SEZ6L: variants seen among roughly 807,000 people sequenced by gnomAD.
The protein encoded by SEZ6L is seizure 6-like protein.
SEZ6L carries 37 observed loss-of-function variants against 106.2 expected under a neutral mutation model. The observed-to-expected ratio is 0.35, with a 90% CI of 0.27 to 0.46. SEZ6L has a LOEUF of 0.46. Among genes scored for constraint, SEZ6L ranks in the 20% least tolerant of loss-of-function variants. SEZ6L has a pLI of 1.00. For missense variants in SEZ6L, 1,172 were observed against 1,332.8 expected (o/e 0.88, Z 1.88); for synonymous variants, 541 against 570.4 (o/e 0.95, Z 0.73).
chr22:26,208,850 C>CTCTGTGTGTG (rs1169195734), intron 1 of SEZ6L, among the ~76,000 whole-genome samples: 1 of 111,694 alleles, frequency 9.0e-6, no homozygotes, highest in Non-Finnish European at 1.9e-5. Context: ...GACTCTCTCT[C>CTCTGTGTGTG]TGTGTGTGTG....
chr22:26,322,559 A>T (rs560962200), intron 9 of SEZ6L, among the ~76,000 whole-genome samples: 8 of 152,238 alleles, frequency 5.3e-5, no homozygotes, highest in South Asian at 4.1e-4. Flanking sequence ...AGAAGGTGAC[A>T]TCCAGAAGGA....
intron 1 of SEZ6L, among the ~76,000 whole-genome samples, chr22:26,229,864 G>A (rs1569400842): frequency 6.6e-6 from 1 of 152,190 alleles, no homozygotes; most frequent in African/African-American, 2.4e-5. Flanking sequence ...GTTAACAAAT[G>A]CCCCCTGCTC....
intron 10 of SEZ6L, among the ~76,000 whole-genome samples, chr22:26,340,915 C>A (rs565390604): frequency 6.6e-6 from 1 of 151,594 alleles, no homozygotes; most frequent in East Asian, 1.9e-4. Flanking sequence ...ACCTATTCCA[C>A]AAGGTTGATA....
chr22:26,349,024 G>C (rs868630485), intron 11 of SEZ6L, among the ~76,000 whole-genome samples: 3 of 152,268 alleles, frequency 2.0e-5, no homozygotes, highest in Middle Eastern at 6.8e-3. Context: ...TAAGGGATTG[G>C]AATGAACATG....
At chr22:26,194,128 A>G (rs1601996813) in intron 1 of SEZ6L, among the ~76,000 whole-genome samples, 1 of 152,312 alleles carries the variant, frequency 6.6e-6, no homozygotes, top group East Asian at 1.9e-4. Flanking sequence ...AGGCATTGCA[A>G]GCTCAGGAAA....
intron 5 of SEZ6L, among the ~76,000 whole-genome samples, chr22:26,301,335 C>T (rs1203191182): frequency 2.0e-5 from 3 of 152,334 alleles, no homozygotes; most frequent in East Asian, 1.9e-4. Flanking sequence ...GGTACTCATT[C>T]GACAAACATC....
intron 1 of SEZ6L, among the ~76,000 whole-genome samples, chr22:26,184,436 T>G (rs1464960774): frequency 6.6e-6 from 1 of 152,148 alleles, no homozygotes; most frequent in East Asian, 1.9e-4. Flanking sequence ...GCTCTAGTCT[T>G]AGTATTTGTT....
intron 8 of SEZ6L, among the ~76,000 whole-genome samples, chr22:26,312,639 C>T (rs76462504): frequency 0.21 from 31,327 of 152,116 alleles, 3,582 homozygotes; most frequent in African/African-American, 0.3. Flanking sequence ...GAGACTCGCT[C>T]GGCTCACTGC....
chr22:26,189,989 C>T (rs920133904), intron 1 of SEZ6L, among the ~76,000 whole-genome samples: 4 of 151,520 alleles, frequency 2.6e-5, no homozygotes, highest in African/African-American at 4.9e-5. Context: ...CCCAGTTACT[C>T]GGGAGGCTGA....
In SEZ6L at chr22:26,380,494, G is replaced by A. The variant is rs1002741911; in HGVS notation, c.*199G>A. 21 of 452,778 alleles carry A rather than the reference G, an allele frequency of 4.6e-5. 1 individual carries two copies. Among genetic ancestry groups the A allele is most frequent in the East Asian group, 3.2e-4 (10 of 31,376 alleles). 28.0% of individuals were successfully genotyped at this position (452,778 alleles called of 1,614,324 possible). ...AAATAGGTGTGGGTTTGGATGTTTC[G>A]CGGCCTCAGCCAAATTCATGTTACA... On this transcript the variant is annotated 3_prime_UTR_variant, in exon 17 of 17. Coordinates refer to ENST00000248933, the MANE Select transcript of SEZ6L (RefSeq NM_021115.5).
intron 10 of SEZ6L, among the ~76,000 whole-genome samples, chr22:26,346,283 C>T (rs1370864173): frequency 6.6e-6 from 1 of 152,208 alleles, no homozygotes; most frequent in Non-Finnish European, 1.5e-5. Context: ...CTCAAGCAAT[C>T]CTCCTACCTT....
chr22:26,171,827 G>C (rs1020254105), intron 1 of SEZ6L, among the ~76,000 whole-genome samples: 1 of 152,156 alleles, frequency 6.6e-6, no homozygotes, highest in African/African-American at 2.4e-5. Flanking sequence ...TGCCGAGTCT[G>C]ATGGTGCATT....
At position 26,306,409 on chromosome 22, in the gene SEZ6L, A is replaced by G. The variant is rs190819399; in HGVS notation, c.1514+265A>G. On this transcript the variant is annotated intron_variant, in intron 6 of 16. Coordinates refer to ENST00000248933, the MANE Select transcript of SEZ6L (RefSeq NM_021115.5). ...GAAGAGGCAAAAAGGGAACTGCCCT[A>G]TTCTTTCTCTTGCACACCCCTTTTT... 1.3e-4 allele frequency among the ~76,000 whole-genome samples: 20 copies of G among 152,356 alleles called. No homozygotes were observed. The East Asian group carries it at 1.3e-3, about 10-fold the overall frequency.
chr22:26,304,369 GAAGAAAGAAAGA>G (rs35971247), intron 5 of SEZ6L, among the ~76,000 whole-genome samples: 3,636 of 98,252 alleles, frequency 0.037, 91 homozygotes, highest in East Asian at 0.068. Context: ...AAAAAAGAAA[GAAGAAAGAAAGA>G]AAGAAAGAAA....
chr22:26,207,727 T>A (rs556302608), intron 1 of SEZ6L, among the ~76,000 whole-genome samples: 1 of 152,182 alleles, frequency 6.6e-6, no homozygotes, highest in Non-Finnish European at 1.5e-5. Context: ...ACATTATATA[T>A]CCTTAACTTT....
At chr22:26,279,775 T>C (rs938222250) in intron 1 of SEZ6L, among the ~76,000 whole-genome samples, 3 of 151,890 alleles carry the variant, frequency 2.0e-5, no homozygotes, top group Non-Finnish European at 2.9e-5. Context: ...CAAACATCCC[T>C]CCTCCCCCTG....
At position 26,292,478 on chromosome 22, in the gene SEZ6L, G is replaced by A. The variant is rs1043781177; in HGVS notation, c.167G>A (p.Ser56Asn). ...LLPSGAPERG[S>N]PGKEHPEERV... ...CCCTCAGGAGCCCCGGAGAGAGGCA[G>A]TCCTGGCAAAGAGCACCCTGAAGAG... The change falls in exon 2 of 17, where the codon AGT (serine) becomes AAT (asparagine). Residue 56 changes from serine (S) to asparagine (N), a missense_variant. By Grantham distance (46) the Ser-to-Asn change is conservative. Around this residue, in one of 4 missense-constraint regions of SEZ6L, gnomAD observed 494 missense variants for 445.8 expected, o/e 1.11. Transcript: ENST00000248933. The A allele has an allele frequency of 2.5e-6, 4 of 1,614,020 alleles. No individual in the cohort carries two copies. The highest frequency in any genetic ancestry group is 2.5e-6 in the Non-Finnish European group (3 of 1,179,964).
intron 1 of SEZ6L, among the ~76,000 whole-genome samples, chr22:26,256,621 A>G (rs1602183959): frequency 6.6e-6 from 1 of 151,840 alleles, no homozygotes; most frequent in African/African-American, 2.4e-5. Flanking sequence ...TCTCTAGGTG[A>G]CTCTCGTGGA....
intron 9 of SEZ6L, among the ~76,000 whole-genome samples, chr22:26,326,758 C>T (rs2082316520): frequency 6.6e-6 from 1 of 152,190 alleles, no homozygotes; most frequent in Admixed American, 6.5e-5. Context: ...TTAGACAGCA[C>T]CCCTGGGAGG....
Sources: allele counts gnomAD v4.1 joint callset (sites outside exome capture counted in the v4.1 genomes callset), GRCh38; gene constraint gnomAD v4.1.1; regional missense constraint gnomAD v4.1.1; transcripts MANE v1.5; gene names NCBI Gene and HGNC (gene_info 2026-07-23, HGNC 2026-07-21).